MCTP2: variants seen among roughly 807,000 people sequenced by gnomAD.
MCTP2 encodes multiple C2 and transmembrane domain containing 2.
In MCTP2, 132 loss-of-function variants were observed where a neutral mutation model predicts 111.6. The ratio of observed to expected loss-of-function variants is 1.18; its 90% confidence interval spans 1.03 to 1.37. MCTP2 has a LOEUF of 1.37. Among genes scored for constraint, MCTP2 ranks in the 40% most tolerant of loss-of-function variants. MCTP2 has a pLI of 0.00. For missense variants in MCTP2, 1,183 were observed against 1,067.9 expected (o/e 1.11, Z -1.50); for synonymous variants, 395 against 387.7 (o/e 1.02, Z -0.22).
intron 2 of MCTP2, among the ~76,000 whole-genome samples, chr15:94,314,050 C>G (rs2076268823): frequency 6.6e-6 from 1 of 152,134 alleles, no homozygotes; most frequent in African/African-American, 2.4e-5. Flanking sequence ...GCCATGTGGC[C>G]CAGCAGGGGC....
rs577417885 is a variant in MCTP2, at chr15:94,322,213, A to C, written c.637+6576A>C. On this transcript the variant is annotated intron_variant, in intron 4 of 22. Coordinates refer to ENST00000357742, the MANE Select transcript of MCTP2 (RefSeq NM_001385001.1). ...TTTTTATTATGACAGAGGCTCCTTCAGAGTTATTCAAATGTGTTGCAACCT... is the reference window on the plus strand; with the variant it reads ...TTTTTATTATGACAGAGGCTCCTTCCGAGTTATTCAAATGTGTTGCAACCT... Among the ~76,000 whole-genome samples, 178 of 152,332 alleles carry C rather than the reference A, an allele frequency of 1.2e-3. 2 individuals are homozygous for C. Among genetic ancestry groups the C allele is most frequent in the Middle Eastern group, 3.4e-3 (1 of 294 alleles).
At chr15:94,240,315 C>A (rs1246906466) in intron 1 of MCTP2, among the ~76,000 whole-genome samples, 2 of 152,136 alleles carry the variant, frequency 1.3e-5, no homozygotes, top group African/African-American at 4.8e-5. Context: ...ACAAGGTCAC[C>A]CAACTGGGTT....
intron 17 of MCTP2, among the ~76,000 whole-genome samples, chr15:94,405,227 A>C (rs1404187891): frequency 6.6e-6 from 1 of 152,174 alleles, no homozygotes; most frequent in African/African-American, 2.4e-5. Flanking sequence ...GGCAGAACTG[A>C]AGGGATGTGT....
intron 20 of MCTP2, among the ~76,000 whole-genome samples, chr15:94,468,245 C>T (rs564277941): frequency 3.7e-4 from 56 of 150,314 alleles, no homozygotes; most frequent in Non-Finnish European, 7.4e-4. Flanking sequence ...ATGTGCCAGA[C>T]ACTGAGCTAA....
At chr15:94,325,359 C>CT (rs1201766018) in intron 4 of MCTP2, among the ~76,000 whole-genome samples, 3 of 152,092 alleles carry the variant, frequency 2.0e-5, no homozygotes, top group African/African-American at 7.2e-5. Context: ...CATAGTTATT[C>CT]TTGGTATAGT....
chr15:94,349,030 A>G (rs2078151911), intron 8 of MCTP2, among the ~76,000 whole-genome samples: 1 of 151,910 alleles, frequency 6.6e-6, no homozygotes, highest in Non-Finnish European at 1.5e-5. Context: ...TAATTTATCT[A>G]CCCGTCTCTA....
intron 20 of MCTP2, among the ~76,000 whole-genome samples, chr15:94,462,633 CAT>C (rs751620426): frequency 8.5e-5 from 13 of 152,150 alleles, no homozygotes; most frequent in Non-Finnish European, 1.3e-4. Context: ...ACATGAGTAA[CAT>C]GTGCTTATTT....
At chr15:94,407,942 T>C (rs1307752547) in intron 17 of MCTP2, among the ~76,000 whole-genome samples, 1 of 152,206 alleles carries the variant, frequency 6.6e-6, no homozygotes, top group African/African-American at 2.4e-5. Flanking sequence ...CCATGATTTC[T>C]CTGTGGACCG....
chr15:94,383,794 G>A (rs765297229), intron 12 of MCTP2, among the ~76,000 whole-genome samples: 17 of 152,172 alleles, frequency 1.1e-4, no homozygotes, highest in African/African-American at 1.9e-4. Context: ...CAACCAGACC[G>A]TATCAGGCGG....
At chr15:94,458,579 A>G (rs900040287) in intron 20 of MCTP2, among the ~76,000 whole-genome samples, 1 of 152,232 alleles carries the variant, frequency 6.6e-6, no homozygotes, top group Non-Finnish European at 1.5e-5. Context: ...AAAGAGAAGC[A>G]AATGTGCTAT....
intron 1 of MCTP2, among the ~76,000 whole-genome samples, chr15:94,241,801 A>G (rs2070981214): frequency 6.6e-6 from 1 of 152,022 alleles, no homozygotes; most frequent in East Asian, 1.9e-4. Flanking sequence ...AAAAAAAGTT[A>G]CCAGGTTTAA....
intron 1 of MCTP2, among the ~76,000 whole-genome samples, chr15:94,256,337 A>G (rs924266401): frequency 6.6e-6 from 1 of 152,172 alleles, no homozygotes; most frequent in African/African-American, 2.4e-5. Context: ...AATCTACAAA[A>G]ATCTGAAATC....
chr15:94,287,550 G>A (rs541417054), intron 1 of MCTP2, among the ~76,000 whole-genome samples: 27 of 152,296 alleles, frequency 1.8e-4, no homozygotes, highest in African/African-American at 3.8e-4. Flanking sequence ...TATGGTCAGC[G>A]TGCTTTGCAA....
chr15:94,363,324 CA>C (rs763442339), intron 10 of MCTP2, among the ~76,000 whole-genome samples: 1 of 152,074 alleles, frequency 6.6e-6, no homozygotes, highest in Non-Finnish European at 1.5e-5. Context: ...CAGGCAGTGG[CA>C]GTAGGTGGAA....
intron 19 of MCTP2, among the ~76,000 whole-genome samples, chr15:94,449,129 C>G (rs2084293141): frequency 6.6e-6 from 1 of 152,076 alleles, no homozygotes. Flanking sequence ...AGGGGGGATA[C>G]CACTTTTTTC....
intron 1 of MCTP2, among the ~76,000 whole-genome samples, chr15:94,247,186 C>G (rs939400317): frequency 7.2e-5 from 11 of 152,120 alleles, no homozygotes; most frequent in African/African-American, 2.7e-4. Context: ...TTTAATTCAT[C>G]TGTGGCAGCT....
At chr15:94,303,792 A>G (rs1023505248) in intron 2 of MCTP2, among the ~76,000 whole-genome samples, 5 of 151,708 alleles carry the variant, frequency 3.3e-5, no homozygotes, top group African/African-American at 1.2e-4. Context: ...CCTAGTGGAA[A>G]CCTTCCTTCT....
chr15:94,460,192 C>T (rs1178088217), intron 20 of MCTP2, among the ~76,000 whole-genome samples: 1 of 151,924 alleles, frequency 6.6e-6, no homozygotes, highest in Non-Finnish European at 1.5e-5. Context: ...TCTGATCAGC[C>T]CAGGAAGAGA....
chr15:94,325,431 T>TC (rs2076817971), intron 4 of MCTP2, among the ~76,000 whole-genome samples: 3 of 152,176 alleles, frequency 2.0e-5, no homozygotes, highest in African/African-American at 7.2e-5. Context: ...CTTTGTGATT[T>TC]CCCCATCCTT....
Sources: allele counts gnomAD v4.1 joint callset (sites outside exome capture counted in the v4.1 genomes callset), GRCh38; gene constraint gnomAD v4.1.1; transcripts MANE v1.5; gene names NCBI Gene and HGNC (gene_info 2026-07-23, HGNC 2026-07-21).